CTSC: variants seen among roughly 807,000 people sequenced by gnomAD.
CTSC encodes cathepsin C.
A neutral mutation model predicts 40.9 loss-of-function variants in CTSC; 37 were observed. The ratio of observed to expected loss-of-function variants is 0.91; its 90% CI spans 0.70 to 1.19. The LOEUF (loss-of-function observed/expected upper bound fraction) is 1.19, where lower values mean the gene tolerates loss of function less well. Among genes scored for constraint, CTSC ranks in the 50% most tolerant of loss-of-function variants. The pLI is 0.00. For synonymous variants in CTSC, 232 were observed against 207.4 expected, an observed-to-expected ratio of 1.12 and a Z score of -1.02; for missense variants, 594 against 567.3, an observed-to-expected ratio of 1.05 and a Z score of -0.48.
chr11:88,309,301 T>C lies in CTSC; in HGVS notation c.503A>G (p.Tyr168Cys), dbSNP rs750898600. 5.6e-6 allele frequency: 9 copies of C among 1,613,524 alleles called. No individual in the cohort carries two copies. Among genetic ancestry groups the C allele is most frequent in the African/African-American group, 1.3e-5 (1 of 74,906 alleles). ...NSQEKYSNRL[Y>C]KYDHNFVKAI... ...TTTCACAAAGTTGTGATCATACTTGTAGAGCCTATTAGAATACCTGTCCCC... is the reference window on the plus strand; with the variant it reads ...TTTCACAAAGTTGTGATCATACTTGCAGAGCCTATTAGAATACCTGTCCCC... Residue 168 changes from tyrosine to cysteine, a missense_variant, in exon 4 of 7, where the codon TAC becomes TGC. By Grantham distance (194) the Tyr-to-Cys change is radical (BLOSUM62 -2). Coordinates refer to ENST00000227266, the MANE Select transcript of CTSC (RefSeq NM_001814.6).
chr11:88,335,961 C>T (rs1017827263), intron 1 of CTSC, among the ~76,000 whole-genome samples: 21 of 152,222 alleles, frequency 1.4e-4, no homozygotes, highest in Admixed American at 2.6e-4. Context: ...AACTAGAGGT[C>T]TGTATCCTAT....
In CTSC at chr11:88,294,490, G is replaced by A. The variant is rs1944277352; in HGVS notation, c.908C>T (p.Pro303Leu). ...QYAQGCEGGF[P>L]YLIAGKYAQD... ...GGCGTACTTTCCTGCAATAAGGTAT[G>A]GGAAGCCGCCTTCACAGCCTGAAGA... The change falls in exon 7 of 7, where the codon CCA becomes CTA. Residue 303 changes from proline (P) to leucine (L), a missense_variant. By Grantham distance (98) the Pro-to-Leu change is moderately conservative (BLOSUM62 -3). Transcript: ENST00000227266. The A allele has an allele frequency of 6.2e-7, 1 of 1,614,098 alleles. No homozygotes were observed. Among genetic ancestry groups the A allele is most frequent in the African/African-American group, 1.3e-5 (1 of 75,044 alleles).
At chr11:88,320,896 T>C (rs893985871) in intron 2 of CTSC, 3 of 892,770 alleles carry the variant, frequency 3.4e-6, no homozygotes, top group East Asian at 1.2e-4. Flanking sequence ...GGGAATCAAA[T>C]GGTTAGTAAG....
intron 6 of CTSC, among the ~76,000 whole-genome samples, chr11:88,295,211 A>G (rs1944284881): frequency 6.6e-6 from 1 of 152,244 alleles, no homozygotes; most frequent in African/African-American, 2.4e-5. Flanking sequence ...TGAAAGGCTC[A>G]CTGGCAAATA....
intron 3 of CTSC, among the ~76,000 whole-genome samples, chr11:88,311,801 C>T (rs755289754): frequency 5.9e-5 from 9 of 152,106 alleles, no homozygotes; most frequent in Middle Eastern, 3.2e-3. Context: ...TGTTTAGGAG[C>T]CCAGTAAGCA....
intron 5 of CTSC, among the ~76,000 whole-genome samples, chr11:88,300,161 G>T (rs1944342545): frequency 6.6e-6 from 1 of 152,166 alleles, no homozygotes; most frequent in Admixed American, 6.5e-5. Flanking sequence ...ACAGGAACAG[G>T]TATCAAAGAA....
At chr11:88,323,794 C>G (rs927563737) in intron 2 of CTSC, 1 of 152,174 alleles carries the variant, frequency 6.6e-6, no homozygotes, top group African/African-American at 2.4e-5. Context: ...ACGTTACATG[C>G]TCATGGATAG....
chr11:88,295,740 A>C (rs919342966), intron 6 of CTSC, among the ~76,000 whole-genome samples: 1 of 152,116 alleles, frequency 6.6e-6, no homozygotes, highest in Non-Finnish European at 1.5e-5. Context: ...AGTTTTAATA[A>C]AAGTTGGGTT....
In CTSC at chr11:88,334,764, T is replaced by C. The variant is rs1294778455; in HGVS notation, c.318+173A>G. 8 of 594,646 alleles carry C rather than the reference T, an allele frequency of 1.3e-5. No homozygotes were observed. The East Asian group carries it at 2.0e-4, about 15-fold the overall frequency. The allele number at this position is 594,646 out of a possible 1,614,324, so 36.8% of individuals were successfully genotyped here. A position where few individuals can be genotyped will look rare whatever the true frequency, so the allele number is the denominator to read the frequency against. ...GTATTTTGTAAACCTACTAAAATCA[T>C]AATTTTAAATAAAGTGGCAAAATTA... is the stretch of plus-strand genomic sequence containing the variant. On this transcript the variant is annotated intron_variant, in intron 2 of 6. Transcript: ENST00000227266.
At chr11:88,306,073 C>T (rs978629865) in intron 4 of CTSC, among the ~76,000 whole-genome samples, 3 of 152,156 alleles carry the variant, frequency 2.0e-5, no homozygotes, top group East Asian at 1.9e-4. Context: ...ATGATATGCT[C>T]CGTTTTCCAA....
chr11:88,336,758 C>T (rs1938507021), intron 1 of CTSC, among the ~76,000 whole-genome samples: 1 of 152,000 alleles, frequency 6.6e-6, no homozygotes, highest in African/African-American at 2.4e-5. Flanking sequence ...TTTTCCACCC[C>T]ACCCCCTTCA....
At chr11:88,305,594 G>A (rs961377474) in intron 4 of CTSC, among the ~76,000 whole-genome samples, 3 of 152,158 alleles carry the variant, frequency 2.0e-5, no homozygotes, top group Non-Finnish European at 4.4e-5. Context: ...TATATCTCAA[G>A]TTAAGAATCT....
At chr11:88,332,024 C>T (rs566439753) in intron 2 of CTSC, among the ~76,000 whole-genome samples, 3 of 152,278 alleles carry the variant, frequency 2.0e-5, no homozygotes, top group African/African-American at 7.2e-5. Flanking sequence ...AAGAAACAAT[C>T]TACTTCAAGC....
chr11:88,328,260 A>T, intron 2 of CTSC: 1 of 1,188,336 alleles, frequency 8.4e-7, no homozygotes, highest in Non-Finnish European at 1.3e-6. Flanking sequence ...TCATGAAAGA[A>T]GACATAAAAT....
chr11:88,328,119 G>A, intron 2 of CTSC: 1 of 1,611,900 alleles, frequency 6.2e-7, no homozygotes, highest in African/African-American at 1.3e-5. Context: ...CACCCAGTTT[G>A]TTCCTCAGAT....
chr11:88,298,346 C>A (rs1944320434), intron 5 of CTSC: 1 of 152,152 alleles, frequency 6.6e-6, no homozygotes, highest in African/African-American at 2.4e-5. Flanking sequence ...CCCTCTCATA[C>A]CTCAAAGTAT....
chr11:88,333,304 C>T (rs541519891), intron 2 of CTSC, among the ~76,000 whole-genome samples: 2 of 152,348 alleles, frequency 1.3e-5, no homozygotes, highest in East Asian at 3.9e-4. Context: ...ACCTATTCCT[C>T]ATCTCCTAAA....
At chr11:88,333,510 T>C (rs1446210496) in intron 2 of CTSC, among the ~76,000 whole-genome samples, 3 of 152,216 alleles carry the variant, frequency 2.0e-5, no homozygotes, top group African/African-American at 7.2e-5. Context: ...TGCACATGCA[T>C]TCCACATGCA....
At chr11:88,310,803 TA>T (rs1937738111) in intron 3 of CTSC, among the ~76,000 whole-genome samples, 1 of 152,240 alleles carries the variant, frequency 6.6e-6, no homozygotes, top group Non-Finnish European at 1.5e-5. Flanking sequence ...GGCAAAAGAA[TA>T]TATTTTAAAT....
Sources: allele counts gnomAD v4.1 joint callset (sites outside exome capture counted in the v4.1 genomes callset), GRCh38; gene constraint gnomAD v4.1.1; transcripts MANE v1.5; gene names NCBI Gene and HGNC (gene_info 2026-07-23, HGNC 2026-07-21).